Variants in TBC1D30 observed in about 807,000 individuals in gnomAD.
TBC1D30 encodes TBC1 domain family, member 30.
In TBC1D30, 31 loss-of-function variants were observed where a neutral mutation model predicts 63.2. The observed-to-expected ratio is 0.49, with a 90% CI of 0.37 to 0.66. The LOEUF (loss-of-function observed/expected upper bound fraction) is 0.66, where lower values mean the gene tolerates loss of function less well. TBC1D30 is among the 30% of genes least tolerant of loss of function. The pLI, the probability that TBC1D30 is intolerant of heterozygous loss-of-function variation, is 0.00. For synonymous variants in TBC1D30, 307 were observed against 361.5 expected (o/e 0.85, Z 1.71); for missense variants, 810 against 953.6 (o/e 0.85, Z 1.98).
intron 8 of TBC1D30, among the ~76,000 whole-genome samples, chr12:64,854,707 G>A (rs928117727): frequency 3.3e-5 from 5 of 152,196 alleles, no homozygotes; most frequent in African/African-American, 9.6e-5. Flanking sequence ...GTGTTAGCCA[G>A]GATGGTCTCG....
intron 2 of TBC1D30, among the ~76,000 whole-genome samples, chr12:64,816,035 CTTT>C (rs11338586): frequency 1.3e-4 from 18 of 143,392 alleles, no homozygotes; most frequent in Admixed American, 1.4e-4. Context: ...GTTCAGAATA[CTTT>C]TTTTTTTTTT....
Position 64,875,717 on chromosome 12 carries a change from G to C in TBC1D30, c.2215G>C (p.Val739Leu), listed in dbSNP as rs1405909528. Residue 739 changes from valine (V) to leucine (L), a missense_variant, in exon 12 of 12, where the codon GTG becomes CTG. This residue lies in a region of TBC1D30 where 450 missense variants were observed against 473.0 expected (regional missense o/e 0.95). Coordinates refer to ENST00000539867, the MANE Select transcript of TBC1D30 (RefSeq NM_015279.2). ...LYGPTERTPT[V>L]HFPQMSRSFS... is the part of the protein sequence containing the mutation. ...TGGCCCTACAGAAAGAACCCCAACTGTGCACTTTCCTCAAATGAGTAGGAG... is the reference window on the plus strand; with the variant it reads ...TGGCCCTACAGAAAGAACCCCAACTCTGCACTTTCCTCAAATGAGTAGGAG... 1.3e-6 allele frequency: 2 copies of C among 1,536,532 alleles called. No homozygotes were observed. Among genetic ancestry groups the C allele is most frequent in the South Asian group, 2.4e-5 (2 of 83,998 alleles).
At chr12:64,776,323 AG>A (rs752383139), upstream of TBC1D30, among the ~76,000 whole-genome samples, 93 of 152,182 alleles carry the variant, frequency 6.1e-4, no homozygotes, top group Non-Finnish European at 1.3e-3. Flanking sequence ...TCCAGGAGCT[AG>A]TTTTTTTTGA....
intron 1 of TBC1D30, among the ~76,000 whole-genome samples, chr12:64,772,628 C>T (rs1870947895): frequency 6.6e-6 from 1 of 152,052 alleles, no homozygotes; most frequent in Non-Finnish European, 1.5e-5. Context: ...TGGGGTTTCA[C>T]CATGTTGGCC....
At chr12:64,814,508 T>A (rs1873408120) in intron 2 of TBC1D30, among the ~76,000 whole-genome samples, 1 of 152,230 alleles carries the variant, frequency 6.6e-6, no homozygotes, top group African/African-American at 2.4e-5. Context: ...CTGTGGGTAC[T>A]TAGTTTTCAA....
Position 64,824,774 on chromosome 12 carries a change from G to A in TBC1D30, c.-106G>A. 1.4e-6 allele frequency: 2 copies of A among 1,415,058 alleles called. No homozygotes were observed. Among genetic ancestry groups the A allele is most frequent in the Non-Finnish European group, 1.9e-6 (2 of 1,072,124 alleles). The allele number at this position is 1,415,058 out of a possible 1,614,324, so 87.7% of individuals were successfully genotyped here. A position where few individuals can be genotyped will look rare whatever the true frequency, so the allele number is the denominator to read the frequency against. On this transcript the variant is annotated 5_prime_UTR_variant, in exon 1 of 12. Coordinates refer to ENST00000539867, the MANE Select transcript of TBC1D30 (RefSeq NM_015279.2). ...GTGCGCTCCCTGCTCCCACGGGCCG[G>A]TCAGCCGCAGACACTCACCCAGCTC...
In TBC1D30 at chr12:64,830,400, T is replaced by C; in HGVS notation, c.306T>C (p.His102=). 1 of 1,533,458 alleles carries C rather than the reference T, an allele frequency of 6.5e-7. No individual in the cohort carries two copies. The highest frequency in any genetic ancestry group is 2.4e-5 in the East Asian group (1 of 40,864). The allele number at this position is 1,533,458 out of a possible 1,614,324, so 95.0% of individuals were successfully genotyped here. The change falls in exon 4 of 12, where the codon CAT becomes CAC. Residue 102 remains histidine, a synonymous_variant. Transcript: ENST00000539867. ...AGGTTTGGTTGACCTTGGCAGATCATTATTTGCACAGTATAGCCATTGACT... is the reference window on the plus strand; with the variant it reads ...AGGTTTGGTTGACCTTGGCAGATCACTATTTGCACAGTATAGCCATTGACT... The part of the protein sequence containing the change: ...RRKVWLTLAD[H]YLHSIAIDWD...
At chr12:64,830,605 G>A in intron 4 of TBC1D30, 103 bp downstream of exon 4, 1 of 1,099,858 alleles carries the variant, frequency 9.1e-7, no homozygotes, top group Non-Finnish European at 1.2e-6. Context: ...CTTCTGGTTT[G>A]AATGTCTGTA....
intron 5 of TBC1D30, among the ~76,000 whole-genome samples, chr12:64,833,238 T>C (rs1347873576): frequency 1.3e-5 from 2 of 152,224 alleles, no homozygotes; most frequent in African/African-American, 4.8e-5. Context: ...TGACTTACAT[T>C]AATATCTTTT....
At chr12:64,781,300 G>A in intron 1 of TBC1D30, 2 of 1,110,710 alleles carry the variant, frequency 1.8e-6, no homozygotes, top group South Asian at 1.8e-5. Context: ...AGGGCCGGGC[G>A]CAGCAGGGTC....
intron 1 of TBC1D30, among the ~76,000 whole-genome samples, chr12:64,765,043 G>A (rs1484025826): frequency 6.6e-6 from 1 of 152,190 alleles, no homozygotes; most frequent in Non-Finnish European, 1.5e-5. Context: ...TGCACCCACA[G>A]AAACAAAGCT....
intron 5 of TBC1D30, among the ~76,000 whole-genome samples, chr12:64,835,248 GC>G (rs1392348003): frequency 2.6e-5 from 4 of 152,124 alleles, no homozygotes; most frequent in African/African-American, 9.7e-5. Flanking sequence ...CCACCTTACA[GC>G]AAAGGAGAGG....
rs1175333104 is a variant in TBC1D30, at chr12:64,877,767, G to A, written c.*1979G>A. 1 of 152,252 alleles carries A rather than the reference G, an allele frequency of 6.6e-6. No homozygotes were observed. The allele number at this position is 152,252 out of a possible 1,614,324, so 9.4% of individuals were successfully genotyped here. A position where few individuals can be genotyped will look rare whatever the true frequency, so the allele number is the denominator to read the frequency against. On this transcript the variant is annotated 3_prime_UTR_variant, in exon 12 of 12. Transcript: ENST00000539867. ...CATCAGCTAAACTTTACAGATAATA[G>A]TGTTTCCACCTCATATCCTTTTCTT...
chr12:64,763,546 A>G (rs965246241), intron 1 of TBC1D30, among the ~76,000 whole-genome samples: 8 of 150,960 alleles, frequency 5.3e-5, no homozygotes, highest in Non-Finnish European at 1.2e-4. Flanking sequence ...TTACTTCTTA[A>G]TGTCAGGATA....
chr12:64,808,170 A>G (rs778767564), intron 2 of TBC1D30, among the ~76,000 whole-genome samples: 8 of 152,066 alleles, frequency 5.3e-5, no homozygotes, highest in Non-Finnish European at 1.2e-4. Flanking sequence ...TACATGCAGT[A>G]CTTACAATTT....
intron 2 of TBC1D30, among the ~76,000 whole-genome samples, chr12:64,814,068 G>T (rs1406140880): frequency 6.6e-6 from 1 of 151,626 alleles, no homozygotes; most frequent in Non-Finnish European, 1.5e-5. Flanking sequence ...CTTTTTTTTT[G>T]AGATAGGGTC....
intron 2 of TBC1D30, among the ~76,000 whole-genome samples, chr12:64,795,680 A>C (rs1327307995): frequency 6.7e-6 from 1 of 148,536 alleles, no homozygotes; most frequent in African/African-American, 2.5e-5. Context: ...CAGCTTCAAA[A>C]ATTCATTGCT....
At chr12:64,868,824 C>T (rs983830423) in intron 10 of TBC1D30, 1 of 158,330 alleles carries the variant, frequency 6.3e-6, no homozygotes, top group Non-Finnish European at 1.4e-5. Context: ...AAAGCTTTCT[C>T]AAAGGCCCCA....
In TBC1D30 at chr12:64,870,716, G is replaced by A. The variant is rs1292437783; in HGVS notation, c.1406G>A (p.Arg469His). ...GCTTTTAACAGTATGATGATGGAAC[G>A]CATGACCACAGATATCAATGCACTG... ...HAAFNSMMME[R>H]MTTDINALKR... Residue 469 changes from arginine (R) to histidine (H), a missense_variant, in exon 11 of 12, where the codon CGC becomes CAC. Coordinates refer to ENST00000539867, the MANE Select transcript of TBC1D30 (RefSeq NM_015279.2). The A allele has an allele frequency of 1.2e-5, 19 of 1,535,930 alleles. No homozygotes were observed. Among genetic ancestry groups the A allele is most frequent in the Non-Finnish European group, 1.5e-5 (17 of 1,146,898 alleles).
Sources: gnomAD v4.1 joint callset for allele counts (sites outside exome capture counted in the v4.1 genomes callset) on GRCh38, gnomAD v4.1.1 for gene constraint, gnomAD v4.1.1 regional missense constraint, MANE v1.5 for transcripts, NCBI Gene and HGNC (gene_info 2026-07-23, HGNC 2026-07-21) for gene names.